SYDE2: variants seen among roughly 807,000 people sequenced by gnomAD.
SYDE2 encodes rho GTPase-activating protein SYDE2.
A neutral mutation model predicts 91.5 loss-of-function variants in SYDE2; 76 were observed. That is an observed-to-expected ratio of 0.83 (90% CI 0.69 to 1.01). The LOEUF is 1.01. Among genes scored for constraint, SYDE2 ranks in the 50% least tolerant of loss-of-function variants. SYDE2 has a pLI of 0.00. For missense variants in SYDE2, 1,364 were observed against 1,367.7 expected (o/e 1.00, Z 0.04); for synonymous variants, 513 against 506.4 (o/e 1.01, Z -0.18).
downstream of SYDE2, among the ~76,000 whole-genome samples, chr1:85,154,748 T>C (rs962805254): frequency 1.3e-5 from 2 of 151,936 alleles, no homozygotes; most frequent in African/African-American, 4.8e-5. Flanking sequence ...TTTCTATCCT[T>C]GTCCGAATCT....
chr1:85,164,789 C>A (rs1571228599), intron 5 of SYDE2, 32 bp from the exon 6 acceptor site: 2 of 1,218,760 alleles, frequency 1.6e-6, no homozygotes, highest in South Asian at 2.9e-5. Flanking sequence ...TTAATATAGT[C>A]ATAAAGAGGC....
intron 4 of SYDE2, among the ~76,000 whole-genome samples, chr1:85,176,427 T>C (rs1039051584): frequency 2.6e-5 from 4 of 152,162 alleles, no homozygotes; most frequent in Admixed American, 1.3e-4. Context: ...TATTAAATAC[T>C]TGATGAAAAT....
chr1:85,177,749 C>G (rs760948741), intron 4 of SYDE2, among the ~76,000 whole-genome samples: 1 of 152,108 alleles, frequency 6.6e-6, no homozygotes, highest in Admixed American at 6.6e-5. Flanking sequence ...ATCACTCCCC[C>G]ACTCAAAAAA....
intron 4 of SYDE2, among the ~76,000 whole-genome samples, chr1:85,176,772 A>G (rs1376599817): frequency 1.3e-5 from 2 of 152,176 alleles, no homozygotes; most frequent in African/African-American, 4.8e-5. Context: ...AGGGTTGAGA[A>G]GAAGCAAATG....
intron 6 of SYDE2, among the ~76,000 whole-genome samples, chr1:85,159,482 G>A (rs1453851041): frequency 6.6e-6 from 1 of 152,070 alleles, no homozygotes; most frequent in Non-Finnish European, 1.5e-5. Flanking sequence ...ACATCATAAC[G>A]TCCCCAAACA....
Position 85,182,089 on chromosome 1 carries a change from A to C in SYDE2, c.2544+9T>G. 6.4e-7 allele frequency: 1 copy of C among 1,565,736 alleles called. No individual in the cohort carries two copies. Among genetic ancestry groups the C allele is most frequent in the South Asian group, 1.2e-5 (1 of 80,746 alleles). The stretch of plus-strand genomic sequence containing the variant: ...AAGGAAGTAGTAGGGAACCATAGTA[A>C]GATAATACCTGACAGCCTCTCTTTT... On this transcript the variant is annotated intron_variant, in intron 3 of 6. Transcript: ENST00000341460.
At chr1:85,189,110 T>C (rs564165888) in intron 2 of SYDE2, among the ~76,000 whole-genome samples, 2 of 152,208 alleles carry the variant, frequency 1.3e-5, no homozygotes, top group Admixed American at 6.5e-5. Context: ...CTTTTGAATA[T>C]TCACAATTTC....
chr1:85,190,808 A>T, intron 1 of SYDE2, 56 bp from the exon 2 acceptor site: 1 of 1,425,752 alleles, frequency 7.0e-7, no homozygotes, highest in Non-Finnish European at 9.5e-7. Flanking sequence ...TCAGAAAGAC[A>T]TGTCACTTCA....
Position 85,178,364 on chromosome 1 carries a change from G to C in SYDE2, c.2545-92C>G, listed in dbSNP as rs979688964. The stretch of plus-strand genomic sequence containing the variant: ...TCACATGAACTTTGCAATCAAATAT[G>C]TTCTGATGTCATTTAATTTTAAATA... On this transcript the variant is annotated intron_variant, in intron 3 of 6. Coordinates refer to ENST00000341460, the MANE Select transcript of SYDE2 (RefSeq NM_032184.2). 2.0e-5 allele frequency: 23 copies of C among 1,150,674 alleles called. No individual in the cohort carries two copies. In the African/African-American group the frequency reaches 3.3e-4, roughly 17 times the overall value. The allele number at this position is 1,150,674 out of a possible 1,614,324, so 71.3% of individuals were successfully genotyped here.
At position 85,158,463 on chromosome 1, in the gene SYDE2, A is replaced by T. The variant is rs957202983; in HGVS notation, c.*287T>A. Reference sequence around the variant, plus strand: ...AAAAACCTTGAGGGGCTAATAACTTATGTGAACCTTCTTAAGTGCATTTGA... The same window carrying T: ...AAAAACCTTGAGGGGCTAATAACTTTTGTGAACCTTCTTAAGTGCATTTGA... On this transcript the variant is annotated 3_prime_UTR_variant, in exon 7 of 7. Transcript: ENST00000341460. The T allele has an allele frequency of 8.6e-5, 25 of 290,612 alleles. No individual in the cohort carries two copies. The highest frequency in any genetic ancestry group is 8.0e-4 in the Admixed American group (16 of 20,004). 18.0% of individuals were successfully genotyped at this position (290,612 alleles called of 1,614,324 possible). A position where few individuals can be genotyped will look rare whatever the true frequency, so the allele number is the denominator to read the frequency against.
intron 4 of SYDE2, among the ~76,000 whole-genome samples, chr1:85,175,157 T>C (rs1291407582): frequency 6.6e-6 from 1 of 152,186 alleles, no homozygotes; most frequent in Non-Finnish European, 1.5e-5. Context: ...CACTAAACAA[T>C]AGATGACTTT....
rs563648264 is a variant in SYDE2 at position 85,165,959 on chromosome 1, G to A, written c.2854-1202C>T. Reference sequence around the variant, plus strand: ...CATGATCACAGCTCACTGCAGCACCGACCTTCCTGGCTCAAGCAATCTTTC... The same window carrying A: ...CATGATCACAGCTCACTGCAGCACCAACCTTCCTGGCTCAAGCAATCTTTC... On this transcript the variant is annotated intron_variant, in intron 5 of 6. Transcript: ENST00000341460. 2.8e-5 allele frequency among the ~76,000 whole-genome samples: 4 copies of A among 141,590 alleles called. No homozygotes were observed. In the East Asian group the frequency reaches 6.3e-4, roughly 22 times the overall value. The allele number at this position is 141,590 out of a possible 152,430, so 92.9% of individuals were successfully genotyped here.
chr1:85,193,699 C>T (rs996065378), intron 1 of SYDE2, among the ~76,000 whole-genome samples: 1 of 152,128 alleles, frequency 6.6e-6, no homozygotes. Flanking sequence ...TTATGGCTCA[C>T]GGCAACCTCA....
At chr1:85,160,285 A>G (rs1459064737) in intron 6 of SYDE2, 1 of 938,004 alleles carries the variant, frequency 1.1e-6, no homozygotes, top group Non-Finnish European at 1.3e-6. Context: ...AAACTATAAA[A>G]ACATATATAT....
intron 4 of SYDE2, among the ~76,000 whole-genome samples, chr1:85,171,088 G>A (rs943820470): frequency 6.6e-6 from 1 of 152,158 alleles, no homozygotes; most frequent in Non-Finnish European, 1.5e-5. Context: ...GGAAAATCAT[G>A]TTTTAGGGGG....
intron 5 of SYDE2, among the ~76,000 whole-genome samples, chr1:85,167,964 A>C (rs1327694815): frequency 6.6e-6 from 1 of 151,946 alleles, no homozygotes; most frequent in Non-Finnish European, 1.5e-5. Flanking sequence ...AAATACAAAA[A>C]TAAGTCGGGC....
intron 2 of SYDE2, among the ~76,000 whole-genome samples, chr1:85,187,876 GA>G (rs1438303507): frequency 8.2e-6 from 1 of 122,550 alleles, no homozygotes. Context: ...TGGGGTGGGG[GA>G]GGGGGGAGGG....
rs1474713731 is a variant in SYDE2, at chr1:85,182,513, G to C, written c.2129C>G (p.Ser710Ter). The C allele has an allele frequency of 1.9e-6, 3 of 1,613,842 alleles. No homozygotes were observed. Among genetic ancestry groups the C allele is most frequent in the Non-Finnish European group, 1.7e-6 (2 of 1,179,838 alleles). Reference sequence around the variant, plus strand: ...CAAAGCTGTTCTTGCTTTGTTTACTGAATCTACCTGAATTGCACAAAAGAC... The same window carrying C: ...CAAAGCTGTTCTTGCTTTGTTTACTCAATCTACCTGAATTGCACAAAAGAC... ...KDVFCAIQVD[S>*]VNKARTALLT... Residue 710 changes from serine to a stop codon, truncating the protein, a stop_gained, in exon 3 of 7, where the codon TCA becomes TGA. Transcript: ENST00000341460. LOFTEE classifies it high-confidence loss of function.
chr1:85,200,993 G>T lies in SYDE2; in HGVS notation c.4C>A (p.His2Asn). ...GCGCCCGAGTCAGGGGGCAGGTCGT[G>T]CATGGCCTGGATCAGCAGATAATAG... The part of the protein sequence containing the change: M[H>N]DLPPDSGARR... Residue 2 changes from histidine (H) to asparagine (N), a missense_variant, in exon 1 of 7, where the codon CAC (histidine) becomes AAC (asparagine). Coordinates refer to ENST00000341460, the MANE Select transcript of SYDE2 (RefSeq NM_032184.2). The T allele has an allele frequency of 7.7e-7, 1 of 1,303,212 alleles. No homozygotes were observed. The highest frequency in any genetic ancestry group is 9.7e-7 in the Non-Finnish European group (1 of 1,034,084). The allele number at this position is 1,303,212 out of a possible 1,614,324, so 80.7% of individuals were successfully genotyped here.
Sources: gnomAD v4.1 joint callset for allele counts (sites outside exome capture counted in the v4.1 genomes callset) on GRCh38, gnomAD v4.1.1 for gene constraint, MANE v1.5 for transcripts, NCBI Gene and HGNC (gene_info 2026-07-23, HGNC 2026-07-21) for gene names.